RAPGEF4: variants seen among roughly 807,000 people sequenced by gnomAD.
The protein encoded by RAPGEF4 is RAP guanine-nucleotide-exchange factor (GEF) 4.
In RAPGEF4, 66 loss-of-function variants were observed where a neutral mutation model predicts 147.9. That is an observed-to-expected ratio of 0.45 (90% CI 0.37 to 0.55). The LOEUF (loss-of-function observed/expected upper bound fraction) is 0.55. Among genes scored for constraint, RAPGEF4 ranks in the 20% least tolerant of loss-of-function variants. RAPGEF4 has a pLI of 0.00. For missense variants in RAPGEF4, 1,071 were observed against 1,257.3 expected (o/e 0.85, Z 2.24); for synonymous variants, 419 against 442.7 (o/e 0.95, Z 0.67).
At chr2:172,864,356 T>C (rs1694378553) in intron 4 of RAPGEF4, among the ~76,000 whole-genome samples, 3 of 152,164 alleles carry the variant, frequency 2.0e-5, no homozygotes, top group Admixed American at 2.0e-4. Flanking sequence ...TGCATTTTGC[T>C]CTTGAGGGGA....
intron 27 of RAPGEF4, 119 bp downstream of exon 27, chr2:173,034,083 TATGATCCCTTTTAGTGCTGCTAA>T (rs1683588560): frequency 6.5e-6 from 6 of 930,078 alleles, no homozygotes; most frequent in Admixed American, 2.8e-5. Context: ...TTAAGAAGTT[TATGATCCCTTTTAGTGCTGCTAA>T]AACAAGCATG....
chr2:172,750,794 T>A (rs75319262), intron 1 of RAPGEF4, among the ~76,000 whole-genome samples: 4,109 of 152,310 alleles, frequency 0.027, 174 homozygotes, highest in African/African-American at 0.087. Flanking sequence ...TCTTTGGAAA[T>A]ATGTCTATTC....
At chr2:172,991,390 A>G (rs886850735) in intron 15 of RAPGEF4, among the ~76,000 whole-genome samples, 11 of 152,208 alleles carry the variant, frequency 7.2e-5, no homozygotes, top group African/African-American at 2.7e-4. Context: ...AAAACAGTCT[A>G]TTGATTTCAG....
chr2:172,797,906 C>G (rs1383362090), intron 3 of RAPGEF4, among the ~76,000 whole-genome samples: 1 of 152,156 alleles, frequency 6.6e-6, no homozygotes, highest in Non-Finnish European at 1.5e-5. Context: ...TTCAGTGTGA[C>G]ACAAATTGCT....
chr2:173,030,260 C>T lies in RAPGEF4; in HGVS notation c.2649+6C>T. 6.2e-7 allele frequency: 1 copy of T among 1,602,918 alleles called. No individual in the cohort carries two copies. The highest frequency in any genetic ancestry group is 8.5e-7 in the Non-Finnish European group (1 of 1,169,906). ...GCTTGGCACTAACGTGGGAGGTAAG[C>T]TTCAGCTAGGATCCAGCTGTGACTT... is the stretch of plus-strand genomic sequence containing the variant. On this transcript the variant is annotated splice_donor_region_variant and intron_variant, in intron 26 of 30. Transcript: ENST00000397081.
intron 29 of RAPGEF4, among the ~76,000 whole-genome samples, chr2:173,041,074 G>A (rs1188120826): frequency 6.6e-6 from 1 of 152,052 alleles, no homozygotes; most frequent in East Asian, 1.9e-4. Flanking sequence ...GAAGCATAGG[G>A]CAAACTTTTA....
chr2:172,813,603 C>T (rs1420256077), intron 3 of RAPGEF4, among the ~76,000 whole-genome samples: 1 of 142,534 alleles, frequency 7.0e-6, no homozygotes, highest in Non-Finnish European at 1.6e-5. Flanking sequence ...AGATCCACCA[C>T]TCTGACCCTC....
intron 4 of RAPGEF4, among the ~76,000 whole-genome samples, chr2:172,842,215 G>T (rs1160378811): frequency 6.6e-6 from 1 of 152,134 alleles, no homozygotes; most frequent in Non-Finnish European, 1.5e-5. Context: ...TCAATGGCAG[G>T]TCTTTATTGA....
chr2:172,755,246 A>T (rs1304145960), intron 1 of RAPGEF4, among the ~76,000 whole-genome samples: 1 of 152,158 alleles, frequency 6.6e-6, no homozygotes, highest in East Asian at 1.9e-4. Flanking sequence ...TAAACATCTA[A>T]CATTAATCCC....
At chr2:172,735,838 G>A, upstream of RAPGEF4, 1 of 535,334 alleles carries the variant, frequency 1.9e-6, no homozygotes, top group Non-Finnish European at 2.6e-6. Flanking sequence ...GAGCCCGCGG[G>A]GAGGGCGGGC....
intron 4 of RAPGEF4, chr2:172,917,567 T>G (rs1394653386): frequency 1.0e-5 from 7 of 677,540 alleles, no homozygotes; most frequent in Non-Finnish European, 1.9e-5. Flanking sequence ...ATAAATGAAC[T>G]GGCGGAGATA....
At chr2:172,909,506 G>A (rs1699906993) in intron 4 of RAPGEF4, among the ~76,000 whole-genome samples, 1 of 152,148 alleles carries the variant, frequency 6.6e-6, no homozygotes, top group African/African-American at 2.4e-5. Flanking sequence ...TGGGATCCAG[G>A]GAAAGGGTTT....
intron 4 of RAPGEF4, among the ~76,000 whole-genome samples, chr2:172,819,967 T>A (rs1170795298): frequency 6.6e-6 from 1 of 152,178 alleles, no homozygotes; most frequent in Non-Finnish European, 1.5e-5. Flanking sequence ...TAAAAACTGA[T>A]CTATTATCCA....
At chr2:172,968,677 GA>G (rs1170457966) in intron 10 of RAPGEF4, among the ~76,000 whole-genome samples, 2 of 152,110 alleles carry the variant, frequency 1.3e-5, no homozygotes, top group African/African-American at 4.8e-5. Context: ...AGATGAACAG[GA>G]AAATCCAAAA....
intron 6 of RAPGEF4, among the ~76,000 whole-genome samples, chr2:172,958,507 G>A (rs147531544): frequency 1.1e-4 from 16 of 152,298 alleles, no homozygotes; most frequent in African/African-American, 3.4e-4. Flanking sequence ...GAGGTGTTAG[G>A]TGCAAGTACA....
chr2:173,010,396 A>T (rs755929305), intron 17 of RAPGEF4, among the ~76,000 whole-genome samples: 32 of 152,300 alleles, frequency 2.1e-4, no homozygotes, highest in Non-Finnish European at 4.0e-4. Flanking sequence ...TCTTTCCTGG[A>T]CCCAACTGTC....
At chr2:173,002,515 C>T (rs1366190878) in intron 17 of RAPGEF4, among the ~76,000 whole-genome samples, 3 of 152,042 alleles carry the variant, frequency 2.0e-5, no homozygotes, top group Non-Finnish European at 4.4e-5. Context: ...AAAGTATATT[C>T]TAAGATTTTG....
At chr2:173,018,886 A>C (rs1695761401) in intron 22 of RAPGEF4, 84 bp downstream of exon 22, 1 of 1,443,870 alleles carries the variant, frequency 6.9e-7, no homozygotes, top group South Asian at 1.3e-5. Context: ...TAGCGTGGTC[A>C]TGTGAGGCTC....
chr2:172,955,961 C>T (rs890957778), intron 6 of RAPGEF4, among the ~76,000 whole-genome samples: 3 of 152,232 alleles, frequency 2.0e-5, no homozygotes, highest in African/African-American at 7.2e-5. Flanking sequence ...CTTTCTTTGA[C>T]TCTCACGGAT....
Sources: gnomAD v4.1 joint callset for allele counts (sites outside exome capture counted in the v4.1 genomes callset) on GRCh38, gnomAD v4.1.1 for gene constraint, MANE v1.5 for transcripts, NCBI Gene and HGNC (gene_info 2026-07-23, HGNC 2026-07-21) for gene names.